SPDYC: variants seen among roughly 807,000 people sequenced by gnomAD.
SPDYC encodes the protein speedy/RINGO cell cycle regulator family member C.
A neutral mutation model predicts 33.9 loss-of-function variants in SPDYC; 25 were observed. That is an observed-to-expected ratio of 0.74 (90% CI 0.54 to 1.03). The LOEUF (loss-of-function observed/expected upper bound fraction) is 1.03, where lower values mean the gene tolerates loss of function less well. Ranked by LOEUF, SPDYC falls within the 50% of genes least tolerant of loss-of-function variation. The pLI, the probability that SPDYC is intolerant of heterozygous loss-of-function variation, is 0.00. For missense variants in SPDYC, 349 were observed against 382.9 expected, an observed-to-expected ratio of 0.91 and a Z score of 0.74; for synonymous variants, 133 against 140.2, an observed-to-expected ratio of 0.95 and a Z score of 0.36.
Position 65,173,166 on chromosome 11 carries a change from C to G in SPDYC, c.848-17C>G. ...TGGCAGGTTTCTTCTCTGAGCCTCA[C>G]TCTTTCCTCTCCCCAGTCTTCCCAA... is the stretch of plus-strand genomic sequence containing the variant. On this transcript the variant is annotated splice_polypyrimidine_tract_variant and intron_variant, in intron 6 of 6. Transcript: ENST00000377185. The G allele has an allele frequency of 1.9e-6, 3 of 1,613,830 alleles. No homozygotes were observed. The South Asian group carries it at 3.3e-5, about 18-fold the overall frequency.
chr11:65,173,224 G>T (rs774167529), exon 7 of SPDYC: 3 of 1,613,638 alleles, frequency 1.9e-6, no homozygotes, highest in African/African-American at 1.3e-5. Flanking sequence ...CTGAAGCTCT[G>T]CAGGGTGAAG....
chr11:65,172,753 A>C, exon 6 of SPDYC: 2 of 1,613,836 alleles, frequency 1.2e-6, no homozygotes, highest in South Asian at 1.1e-5. Flanking sequence ...TGGGGTTCAG[A>C]GGGTCTGTCC....
chr11:65,173,228 G>A, exon 7 of SPDYC: 20 of 1,613,530 alleles, frequency 1.2e-5, no homozygotes, highest in Non-Finnish European at 1.7e-5. Flanking sequence ...AGCTCTGCAG[G>A]GTGAAGAACA....
At chr11:65,171,855 G>A in intron 2 of SPDYC, 88 bp from the exon 3 acceptor site, 1 of 1,146,204 alleles carries the variant, frequency 8.7e-7, no homozygotes, top group Non-Finnish European at 1.3e-6. Context: ...AGGGTTCAGT[G>A]GTGGCTTGGG....
chr11:65,171,878 T>C, intron 2 of SPDYC, 65 bp from the exon 3 acceptor site: 1 of 1,471,756 alleles, frequency 6.8e-7, no homozygotes, highest in South Asian at 1.1e-5. Flanking sequence ...TTGGAGCTTC[T>C]GATGCCACTC....
chr11:65,170,332 G>T, intron 1 of SPDYC, 71 bp downstream of exon 1: 1 of 1,463,610 alleles, frequency 6.8e-7, no homozygotes. Flanking sequence ...ATTGGCCCTG[G>T]GGTGGTCGAC....
intron 6 of SPDYC, 26 bp from the exon 7 acceptor site, chr11:65,173,157 T>C (rs888252762): frequency 1.2e-6 from 2 of 1,613,284 alleles, no homozygotes; most frequent in African/African-American, 2.7e-5. Flanking sequence ...GTTTCTTCTC[T>C]GAGCCTCACT....
At chr11:65,170,733 C>T (rs1444895869) in intron 1 of SPDYC, among the ~76,000 whole-genome samples, 1 of 151,938 alleles carries the variant, frequency 6.6e-6, no homozygotes, top group East Asian at 1.9e-4. Context: ...AAAAAATTAG[C>T]CGGGCGTGGT....
downstream of SPDYC, chr11:65,173,294 C>T (rs1347243620): frequency 1.1e-5 from 17 of 1,529,270 alleles, no homozygotes; most frequent in East Asian, 1.1e-4. Flanking sequence ...CACCCCTGCC[C>T]CTTCCTCCCA....
intron 1 of SPDYC, among the ~76,000 whole-genome samples, chr11:65,170,692 G>A (rs966446115): frequency 9.2e-5 from 14 of 151,978 alleles, no homozygotes; most frequent in Non-Finnish European, 1.9e-4. Context: ...GGCCAACACG[G>A]TGAAACCCTG....
rs1424051702 is a variant in SPDYC at position 65,172,613 on chromosome 11, TG to T, written c.516+11del. 1.3e-6 allele frequency: 2 copies of T among 1,552,850 alleles called. No individual in the cohort carries two copies. Among genetic ancestry groups the T allele is most frequent in the Non-Finnish European group, 1.7e-6 (2 of 1,149,034 alleles). On this transcript the variant is annotated intron_variant, in intron 5 of 6. Transcript: ENST00000377185. The stretch of plus-strand genomic sequence containing the variant: ...CGCCAGTGCTGTGAGGAGGTGAGGC[TG>T]GGAGGCAACCTGGGGTGTGGGGAAG...
At chr11:65,170,283 G>C (rs1280555251) in intron 1 of SPDYC, 22 bp downstream of exon 1, 17 of 1,572,618 alleles carry the variant, frequency 1.1e-5, no homozygotes, top group Non-Finnish European at 1.5e-5. Flanking sequence ...TGCAGGAGGA[G>C]GCTGGGTTGC....
At chr11:65,172,985 A>T in exon 6 of SPDYC, 1 of 1,613,992 alleles carries the variant, frequency 6.2e-7, no homozygotes, top group Non-Finnish European at 8.5e-7. Flanking sequence ...CCCCAGATGC[A>T]ACTGGAACCA....
intron 2 of SPDYC, 46 bp downstream of exon 2, chr11:65,171,545 G>A: frequency 6.8e-7 from 1 of 1,469,062 alleles, no homozygotes; most frequent in Non-Finnish European, 9.0e-7. Flanking sequence ...GGTCAAGTGT[G>A]AAAGCAGATG....
rs1428225732 is a variant in SPDYC, at chr11:65,172,615, G to T, written c.516+10G>T. ...CCAGTGCTGTGAGGAGGTGAGGCTG[G>T]GAGGCAACCTGGGGTGTGGGGAAGG... On this transcript the variant is annotated intron_variant, in intron 5 of 6. Coordinates refer to ENST00000377185, the Ensembl canonical transcript of SPDYC. 6.4e-7 allele frequency: 1 copy of T among 1,552,578 alleles called. No homozygotes were observed. Among genetic ancestry groups the T allele is most frequent in the Admixed American group, 1.9e-5 (1 of 52,112 alleles).
At chr11:65,173,109 G>A (rs1287374518) in intron 6 of SPDYC, 74 bp from the exon 7 acceptor site, 18 of 1,601,566 alleles carry the variant, frequency 1.1e-5, no homozygotes, top group Non-Finnish European at 1.4e-5. Flanking sequence ...CCATGGGCCT[G>A]GGGTCGACGT....
At chr11:65,172,944 C>G in exon 6 of SPDYC, 2 of 1,614,156 alleles carry the variant, frequency 1.2e-6, no homozygotes, top group Non-Finnish European at 1.7e-6. Flanking sequence ...TCAAAAACGC[C>G]TGGGGTGGGG....
chr11:65,172,472 C>T, exon 5 of SPDYC: 1 of 1,584,150 alleles, frequency 6.3e-7, no homozygotes, highest in Non-Finnish European at 8.6e-7. Flanking sequence ...CTGGAGGGCC[C>T]CAAATGTGAG....
downstream of SPDYC, chr11:65,173,289 C>T: frequency 6.5e-7 from 1 of 1,540,194 alleles, no homozygotes; most frequent in South Asian, 1.2e-5. Context: ...GCTCCCACCC[C>T]TGCCCCTTCC....
Sources: gnomAD v4.1 joint callset for allele counts (sites outside exome capture counted in the v4.1 genomes callset) on GRCh38, gnomAD v4.1.1 for gene constraint, MANE v1.5 for transcripts, NCBI Gene and HGNC (gene_info 2026-07-23, HGNC 2026-07-21) for gene names.